The following RASSF8 variants were observed in gnomAD, a reference collection of about 807,000 sequenced individuals.
RASSF8 encodes the protein Ras association domain family member 8.
Under a neutral mutation model 48.5 loss-of-function variants are expected in RASSF8, and 22 were observed. The observed-to-expected ratio is 0.45, with a 90% CI of 0.32 to 0.65. The LOEUF (loss-of-function observed/expected upper bound fraction) is 0.65. Ranked by LOEUF, RASSF8 falls within the 30% of genes least tolerant of loss-of-function variation. The pLI is 0.03. For synonymous variants in RASSF8, 127 were observed against 171.5 expected, an observed-to-expected ratio of 0.74 and a Z score of 2.03; for missense variants, 418 against 489.2, an observed-to-expected ratio of 0.85 and a Z score of 1.37.
chr12:26,007,929 C>G (rs1027844971), intron 2 of RASSF8, among the ~76,000 whole-genome samples: 1 of 152,180 alleles, frequency 6.6e-6, no homozygotes, highest in Non-Finnish European at 1.5e-5. Context: ...TTTATCATCT[C>G]AAGACATTAA....
chr12:26,035,848 T>TTA lies in RASSF8; in HGVS notation c.-108-19383_-108-19382dup, dbSNP rs1943136582. ...TAATATAATTTCATATAATTATGTA[T>TTA]TATATAAAATATAATAAAATTATAT... On this transcript the variant is annotated intron_variant, in intron 2 of 5. Coordinates refer to ENST00000689635, the MANE Select transcript of RASSF8 (RefSeq NM_001394098.1). Among the ~76,000 whole-genome samples, 16 of 142,464 alleles carry TTA rather than the reference T, an allele frequency of 1.1e-4. No individual in the cohort carries two copies. The South Asian group carries it at 3.1e-3, about 28-fold the overall frequency. The allele number at this position is 142,464 out of a possible 152,430, so 93.5% of individuals were successfully genotyped here.
chr12:25,979,144 C>T lies in RASSF8; in HGVS notation c.-202-15893C>T, dbSNP rs74813436. 5.6e-3 allele frequency among the ~76,000 whole-genome samples: 859 copies of T among 152,220 alleles called. 6 individuals are homozygous for T. Among genetic ancestry groups the T allele is most frequent in the African/African-American group, 0.02 (817 of 41,518 alleles). ...CCAATCATTCTTCCAATCACTTATT[C>T]GACATGATGAGTCCTAAGACAGATT... On this transcript the variant is annotated intron_variant, in intron 1 of 5. Transcript: ENST00000689635.
At chr12:26,054,660 A>G (rs912516329) in intron 2 of RASSF8, among the ~76,000 whole-genome samples, 2 of 152,184 alleles carry the variant, frequency 1.3e-5, no homozygotes, top group Non-Finnish European at 2.9e-5. Context: ...AACAGTTGTC[A>G]AGACATCATA....
intron 2 of RASSF8, among the ~76,000 whole-genome samples, chr12:26,001,199 ATTTTTTT>A: frequency 7.3e-6 from 1 of 136,964 alleles, no homozygotes; most frequent in East Asian, 2.1e-4. Context: ...CTAATTTTTA[ATTTTTTT>A]TTTTTTTTTG....
downstream of RASSF8, among the ~76,000 whole-genome samples, chr12:26,074,788 A>G (rs1469788266): frequency 6.6e-6 from 1 of 152,142 alleles, no homozygotes; most frequent in Non-Finnish European, 1.5e-5. Flanking sequence ...GGAAGGTGAT[A>G]TAAACAAGAA....
intron 1 of RASSF8, among the ~76,000 whole-genome samples, chr12:25,991,575 T>A (rs1382952398): frequency 6.6e-6 from 1 of 152,128 alleles, no homozygotes; most frequent in Admixed American, 6.6e-5. Context: ...GGCTGGAAAA[T>A]CTACTTCCAA....
rs374405558 is a variant in RASSF8 at position 25,986,778 on chromosome 12, C to T, written c.-202-8259C>T. Among the ~76,000 whole-genome samples the T allele has an allele frequency of 5.3e-5, 8 of 152,276 alleles. No homozygotes were observed. In the East Asian group the frequency reaches 9.6e-4, roughly 18 times the overall value. On this transcript the variant is annotated intron_variant, in intron 1 of 5. Coordinates refer to ENST00000689635, the MANE Select transcript of RASSF8 (RefSeq NM_001394098.1). ...AAGGCTCCTAGTTACTTACTGCTGC[C>T]TTTCTCTTCTTTTGCTGCCTCTTCT...
chr12:26,019,563 CTGTGTGTGTGTGTGTGTGTG>C (rs56895234), intron 2 of RASSF8, among the ~76,000 whole-genome samples: 6 of 148,200 alleles, frequency 4.0e-5, no homozygotes, highest in Admixed American at 2.0e-4. Flanking sequence ...CGGGCATACA[CTGTGTGTGTGTGTGTGTGTG>C]TGTGTGTGTG....
chr12:26,017,975 A>G (rs576219762), intron 2 of RASSF8, among the ~76,000 whole-genome samples: 1 of 152,324 alleles, frequency 6.6e-6, no homozygotes, highest in South Asian at 2.1e-4. Flanking sequence ...TCCCTTTCCC[A>G]TTGGCTATGA....
At chr12:26,062,983 C>T (rs957470716) in intron 3 of RASSF8, among the ~76,000 whole-genome samples, 3 of 152,170 alleles carry the variant, frequency 2.0e-5, no homozygotes, top group African/African-American at 7.2e-5. Context: ...AGAACACACT[C>T]ATATGCTTAT....
intron 2 of RASSF8, among the ~76,000 whole-genome samples, chr12:26,051,763 A>T (rs17460800): frequency 6.6e-6 from 1 of 152,168 alleles, no homozygotes; most frequent in African/African-American, 2.4e-5. Context: ...TCAATAAACT[A>T]TCTGGAGGTG....
intron 1 of RASSF8, among the ~76,000 whole-genome samples, chr12:25,990,269 T>C (rs1941984277): frequency 6.6e-6 from 1 of 152,248 alleles, no homozygotes; most frequent in African/African-American, 2.4e-5. Flanking sequence ...ATTAGTGATT[T>C]CTCTTGTATG....
intron 2 of RASSF8, among the ~76,000 whole-genome samples, chr12:26,034,020 G>C (rs1336638934): frequency 1.3e-5 from 2 of 152,076 alleles, no homozygotes; most frequent in African/African-American, 4.8e-5. Flanking sequence ...ATGTCGACCA[G>C]ACCCCAGCAA....
chr12:25,981,811 G>A (rs1466885084), intron 1 of RASSF8, among the ~76,000 whole-genome samples: 1 of 152,098 alleles, frequency 6.6e-6, no homozygotes, highest in Non-Finnish European at 1.5e-5. Context: ...CAGCACTATC[G>A]AAAGCATGAT....
At chr12:26,063,949 G>A (rs947365001) in intron 3 of RASSF8, among the ~76,000 whole-genome samples, 6 of 152,216 alleles carry the variant, frequency 3.9e-5, no homozygotes, top group Middle Eastern at 3.4e-3. Flanking sequence ...GGAGACCTGG[G>A]CACCTCCTGT....
chr12:26,023,991 C>A (rs958604316), intron 2 of RASSF8, among the ~76,000 whole-genome samples: 7 of 152,150 alleles, frequency 4.6e-5, no homozygotes, highest in African/African-American at 1.7e-4. Context: ...GCCATTCTTA[C>A]TTACCTCAGC....
Position 26,067,815 on chromosome 12 carries a change from A to G in RASSF8, c.1138+102A>G, listed in dbSNP as rs977892261. 3.4e-5 allele frequency: 50 copies of G among 1,455,008 alleles called. No homozygotes were observed. The African/African-American group carries it at 6.6e-4, about 19-fold the overall frequency. The allele number at this position is 1,455,008 out of a possible 1,614,324, so 90.1% of individuals were successfully genotyped here. On this transcript the variant is annotated intron_variant, in intron 5 of 5. Coordinates refer to ENST00000689635, the MANE Select transcript of RASSF8 (RefSeq NM_001394098.1). ...AGTATCACTGTATCGCCCAGGCTGGAATGCCAGGGGTATTACCACGGCTTA... is the reference window on the plus strand; with the variant it reads ...AGTATCACTGTATCGCCCAGGCTGGGATGCCAGGGGTATTACCACGGCTTA...
downstream of RASSF8, among the ~76,000 whole-genome samples, chr12:26,073,463 G>A (rs559039794): frequency 5.9e-4 from 90 of 152,278 alleles, no homozygotes; most frequent in Admixed American, 1.8e-3. Context: ...AGGGCCGGGC[G>A]CAGTGGCTCA....
intron 2 of RASSF8, among the ~76,000 whole-genome samples, chr12:26,038,608 AACACACACAC>A (rs57536643): frequency 0.099 from 14,338 of 144,862 alleles, 875 homozygotes; most frequent in South Asian, 0.19. Flanking sequence ...TTCTTATTAA[AACACACACAC>A]ACACACACAC....
Sources: allele counts gnomAD v4.1 joint callset (sites outside exome capture counted in the v4.1 genomes callset), GRCh38; gene constraint gnomAD v4.1.1; transcripts MANE v1.5; gene names NCBI Gene and HGNC (gene_info 2026-07-23, HGNC 2026-07-21).